The following GUCY1A2 variants were observed in gnomAD, a reference collection of about 807,000 sequenced individuals.
The protein encoded by GUCY1A2 is guanylate cyclase soluble subunit alpha-2.
GUCY1A2 carries 27 observed loss-of-function variants against 63.5 expected under a neutral mutation model. The ratio of observed to expected loss-of-function variants is 0.43; its 90% CI spans 0.31 to 0.59. The LOEUF (loss-of-function observed/expected upper bound fraction) is 0.59, where lower values mean the gene tolerates loss of function less well. Among genes scored for constraint, GUCY1A2 ranks in the 20% least tolerant of loss-of-function variants. The pLI is 0.11. For missense variants in GUCY1A2, 768 were observed against 913.3 expected, an observed-to-expected ratio of 0.84 and a Z score of 2.05; for synonymous variants, 364 against 343.5, an observed-to-expected ratio of 1.06 and a Z score of -0.66.
intron 4 of GUCY1A2, among the ~76,000 whole-genome samples, chr11:106,859,628 T>C (rs1859481987): frequency 6.6e-6 from 1 of 151,930 alleles, no homozygotes; most frequent in Non-Finnish European, 1.5e-5. Flanking sequence ...ATAATGACAA[T>C]ACAAATACCA....
intron 7 of GUCY1A2, among the ~76,000 whole-genome samples, chr11:106,704,224 A>G (rs780334410): frequency 6.6e-6 from 1 of 152,168 alleles, no homozygotes; most frequent in Non-Finnish European, 1.5e-5. Flanking sequence ...AAGGAATAAG[A>G]TGGTTTCTTC....
chr11:106,713,482 A>G (rs1234903315), intron 6 of GUCY1A2, among the ~76,000 whole-genome samples: 2 of 148,596 alleles, frequency 1.3e-5, no homozygotes, highest in Non-Finnish European at 3.0e-5. Context: ...GCACACTGCA[A>G]TATTAGTATG....
intron 4 of GUCY1A2, among the ~76,000 whole-genome samples, chr11:106,907,622 C>T (rs1010320521): frequency 2.6e-5 from 4 of 151,656 alleles, no homozygotes; most frequent in East Asian, 1.9e-4. Context: ...GTTCTCATTG[C>T]TCAATTCCCA....
Position 106,916,917 on chromosome 11 carries a change from A to G in GUCY1A2, c.1206+22543T>C, listed in dbSNP as rs923953071. On this transcript the variant is annotated intron_variant, in intron 4 of 7. Transcript: ENST00000526355. ...CTAGAAATTGCAGAATTGAATACCA[A>G]TCATTCCTAAATTAATTTTTAAAAC... 5.5e-5 allele frequency among the ~76,000 whole-genome samples: 8 copies of G among 145,842 alleles called. 1 individual carries two copies. Among genetic ancestry groups the G allele is most frequent in the African/African-American group, 2.0e-4 (8 of 41,002 alleles).
intron 5 of GUCY1A2, among the ~76,000 whole-genome samples, chr11:106,793,891 A>G (rs1864707101): frequency 6.6e-6 from 1 of 152,156 alleles, no homozygotes; most frequent in Non-Finnish European, 1.5e-5. Context: ...ACATTTGTAC[A>G]CAGTTTTTGA....
At chr11:106,689,620 A>T (rs867693774) in intron 7 of GUCY1A2, among the ~76,000 whole-genome samples, 3 of 152,148 alleles carry the variant, frequency 2.0e-5, no homozygotes, top group African/African-American at 7.2e-5. Flanking sequence ...AAAAAGCTCA[A>T]CATCACTGAT....
chr11:106,717,087 C>T (rs1863230454), intron 6 of GUCY1A2, among the ~76,000 whole-genome samples: 1 of 152,186 alleles, frequency 6.6e-6, no homozygotes, highest in Admixed American at 6.5e-5. Context: ...GCTAGTCCTA[C>T]TTCTGGGCTT....
intron 6 of GUCY1A2, among the ~76,000 whole-genome samples, chr11:106,740,011 T>C (rs1446295844): frequency 6.6e-6 from 1 of 150,500 alleles, no homozygotes; most frequent in East Asian, 1.9e-4. Flanking sequence ...TTTTTTTTTT[T>C]TTTTTTGAGA....
intron 1 of GUCY1A2, among the ~76,000 whole-genome samples, chr11:106,994,196 C>T (rs1047103697): frequency 6.6e-6 from 1 of 152,176 alleles, no homozygotes; most frequent in African/African-American, 2.4e-5. Flanking sequence ...TAGCAAACCA[C>T]AGTGGTTATC....
At chr11:106,792,193 T>C (rs1176599504) in intron 5 of GUCY1A2, among the ~76,000 whole-genome samples, 1 of 151,646 alleles carries the variant, frequency 6.6e-6, no homozygotes, top group Admixed American at 6.6e-5. Context: ...CGAGACCAGC[T>C]TGGCCAACAT....
chr11:106,760,406 T>C (rs1043514840), intron 6 of GUCY1A2, among the ~76,000 whole-genome samples: 2 of 152,194 alleles, frequency 1.3e-5, no homozygotes, highest in African/African-American at 2.4e-5. Flanking sequence ...CATGGCTATA[T>C]GTGAATTTCT....
intron 4 of GUCY1A2, among the ~76,000 whole-genome samples, chr11:106,844,998 G>A (rs879938067): frequency 7.9e-5 from 12 of 151,626 alleles, no homozygotes; most frequent in Admixed American, 7.9e-4. Flanking sequence ...CCATCAGTAG[G>A]TTAATCTTTG....
chr11:106,774,476 C>A (rs911293896), intron 6 of GUCY1A2, among the ~76,000 whole-genome samples: 2 of 152,100 alleles, frequency 1.3e-5, no homozygotes, highest in African/African-American at 4.8e-5. Flanking sequence ...TGATGCCCTG[C>A]AGTCTCGTTA....
intron 6 of GUCY1A2, among the ~76,000 whole-genome samples, chr11:106,725,157 T>TGGCTAAAATTCTAACTGTGATA (rs1565270054): frequency 2.4e-3 from 52 of 21,938 alleles, no homozygotes; most frequent in South Asian, 7.5e-3. Flanking sequence ...AAATTCTTTT[T>TGGCTAAAATTCTAACTGTGATA]TTTTTTTTTT....
At chr11:106,701,932 G>A (rs2135344181) in intron 7 of GUCY1A2, among the ~76,000 whole-genome samples, 1 of 152,084 alleles carries the variant, frequency 6.6e-6, no homozygotes, top group Non-Finnish European at 1.5e-5. Flanking sequence ...AATTTAAAAA[G>A]TAATTATTGT....
chr11:106,812,675 A>C (rs1018462860), intron 4 of GUCY1A2, among the ~76,000 whole-genome samples: 1 of 151,940 alleles, frequency 6.6e-6, no homozygotes, highest in Non-Finnish European at 1.5e-5. Flanking sequence ...ATTAATTTAT[A>C]AAAAGTCTAA....
chr11:106,872,785 CTTTT>C (rs1276602670), intron 4 of GUCY1A2, among the ~76,000 whole-genome samples: 1 of 152,058 alleles, frequency 6.6e-6, no homozygotes, highest in Admixed American at 6.6e-5. Flanking sequence ...AAAAGCTGTT[CTTTT>C]TTTTCTTTTT....
intron 6 of GUCY1A2, among the ~76,000 whole-genome samples, chr11:106,755,882 G>A (rs935846533): frequency 3.3e-5 from 5 of 152,158 alleles, no homozygotes; most frequent in South Asian, 2.1e-4. Context: ...CCACAGCAGA[G>A]TTCAAGTCCT....
chr11:106,749,793 A>G (rs1390691577), intron 6 of GUCY1A2, among the ~76,000 whole-genome samples: 1 of 151,990 alleles, frequency 6.6e-6, no homozygotes, highest in East Asian at 1.9e-4. Context: ...TGACCCTGGG[A>G]TCTCCTTCCA....
Sources: allele counts gnomAD v4.1 joint callset (sites outside exome capture counted in the v4.1 genomes callset), GRCh38; gene constraint gnomAD v4.1.1; transcripts MANE v1.5; gene names NCBI Gene and HGNC (gene_info 2026-07-23, HGNC 2026-07-21).